Variants in DENND5A observed in about 807,000 individuals in gnomAD.
DENND5A encodes DENN domain-containing protein 5A.
Under a neutral mutation model 140.3 loss-of-function variants are expected in DENND5A, and 64 were observed. The ratio of observed to expected loss-of-function variants is 0.46; its 90% CI spans 0.37 to 0.56. The LOEUF is 0.56. DENND5A is among the 20% of genes least tolerant of loss of function. DENND5A has a pLI of 0.00. For synonymous variants in DENND5A, 605 were observed against 607.7 expected (o/e 1.00, Z 0.07); for missense variants, 1,292 against 1,593.8 (o/e 0.81, Z 3.22).
chr11:9,217,308 G>A (rs1211886049), intron 1 of DENND5A, among the ~76,000 whole-genome samples: 1 of 152,124 alleles, frequency 6.6e-6, no homozygotes, highest in Non-Finnish European at 1.5e-5. Context: ...GAGGTCAGGA[G>A]TTTGAGACCA....
intron 1 of DENND5A, among the ~76,000 whole-genome samples, chr11:9,230,009 A>G (rs1460038291): frequency 2.9e-5 from 4 of 136,964 alleles, no homozygotes; most frequent in Admixed American, 8.6e-5. Flanking sequence ...GGTTCACGCC[A>G]TTCTCCTGCC....
intron 4 of DENND5A, among the ~76,000 whole-genome samples, chr11:9,195,239 C>T (rs921298802): frequency 2.6e-5 from 4 of 151,788 alleles, no homozygotes; most frequent in African/African-American, 9.7e-5. Flanking sequence ...CGCCACCACC[C>T]GAGCTAATTT....
chr11:9,226,067 G>A (rs542909281), intron 1 of DENND5A, among the ~76,000 whole-genome samples: 1 of 151,678 alleles, frequency 6.6e-6, no homozygotes, highest in African/African-American at 2.4e-5. Context: ...GCAACAGAGT[G>A]AGACCCTGTC....
intron 1 of DENND5A, among the ~76,000 whole-genome samples, chr11:9,250,315 T>C (rs1851667183): frequency 1.3e-5 from 2 of 151,592 alleles, no homozygotes; most frequent in Non-Finnish European, 2.9e-5. Flanking sequence ...AGTAACTACC[T>C]AGTCTAAGAA....
chr11:9,246,349 A>G (rs1239281170), intron 1 of DENND5A, among the ~76,000 whole-genome samples: 1 of 152,142 alleles, frequency 6.6e-6, no homozygotes, highest in Admixed American at 6.6e-5. Context: ...GGGGTGGCTC[A>G]TGCCTGTAAT....
chr11:9,169,486 T>TACAC (rs1195918945), intron 10 of DENND5A, among the ~76,000 whole-genome samples: 1 of 114,350 alleles, frequency 8.7e-6, no homozygotes, highest in African/African-American at 3.6e-5. Flanking sequence ...TTTTTTCCTA[T>TACAC]ATACACACGC....
intron 1 of DENND5A, among the ~76,000 whole-genome samples, chr11:9,214,187 C>G (rs553934167): frequency 6.6e-6 from 1 of 152,268 alleles, no homozygotes; most frequent in African/African-American, 2.4e-5. Context: ...CATAGTACTG[C>G]TACCAACTCA....
chr11:9,219,771 C>CA (rs1413232416), intron 1 of DENND5A, among the ~76,000 whole-genome samples: 2 of 152,176 alleles, frequency 1.3e-5, no homozygotes, highest in Admixed American at 6.5e-5. Context: ...ATCTGTGAGC[C>CA]AAAAAATACT....
chr11:9,171,083 A>AG (rs1330668467), intron 8 of DENND5A: 1 of 317,334 alleles, frequency 3.2e-6, no homozygotes, highest in African/African-American at 2.1e-5. Flanking sequence ...TGGCACAGGG[A>AG]GGGGAGTTCT....
intron 1 of DENND5A, among the ~76,000 whole-genome samples, chr11:9,227,037 A>G (rs10770001): frequency 0.62 from 93,933 of 151,724 alleles, 29,682 homozygotes; most frequent in African/African-American, 0.72. Flanking sequence ...GCATGGTAGC[A>G]CATGCCTGTA....
At chr11:9,222,965 T>A (rs1037423882) in intron 1 of DENND5A, among the ~76,000 whole-genome samples, 1 of 152,232 alleles carries the variant, frequency 6.6e-6, no homozygotes, top group Non-Finnish European at 1.5e-5. Flanking sequence ...CTGTAACTGA[T>A]CATCCCTGCA....
intron 1 of DENND5A, among the ~76,000 whole-genome samples, chr11:9,218,618 G>A (rs1323027046): frequency 2.6e-5 from 4 of 152,130 alleles, no homozygotes; most frequent in African/African-American, 9.7e-5. Context: ...GCTGAGGTGG[G>A]AAGATCGCTA....
intron 1 of DENND5A, among the ~76,000 whole-genome samples, chr11:9,224,671 T>A (rs1368004635): frequency 1.3e-5 from 2 of 151,880 alleles, no homozygotes; most frequent in African/African-American, 2.4e-5. Flanking sequence ...CCAGCCTGAC[T>A]GACATGGTGA....
At chr11:9,182,233 T>C (rs1168909707) in intron 5 of DENND5A, among the ~76,000 whole-genome samples, 1 of 152,044 alleles carries the variant, frequency 6.6e-6, no homozygotes, top group Non-Finnish European at 1.5e-5. Context: ...GAACAATTGC[T>C]TGAACCCAGG....
chr11:9,194,752 C>T (rs950810787), intron 4 of DENND5A, among the ~76,000 whole-genome samples: 4 of 149,908 alleles, frequency 2.7e-5, no homozygotes, highest in African/African-American at 9.8e-5. Flanking sequence ...CGGGGTCTTG[C>T]TCTGTTGCCC....
intron 1 of DENND5A, among the ~76,000 whole-genome samples, chr11:9,227,347 T>C (rs1328380289): frequency 1.3e-5 from 2 of 152,154 alleles, no homozygotes; most frequent in Non-Finnish European, 2.9e-5. Context: ...CACTTTTCTA[T>C]TGAGTTCCAA....
At chr11:9,165,725 C>T (rs939506821) in intron 11 of DENND5A, 111 bp downstream of exon 11, 39 of 1,317,532 alleles carry the variant, frequency 3.0e-5, no homozygotes, top group African/African-American at 1.0e-4. Flanking sequence ...TGAGCCATCA[C>T]GCCCAGCCAA....
intron 7 of DENND5A, 22 bp from the exon 8 acceptor site, chr11:9,178,388 A>G: frequency 6.9e-7 from 1 of 1,456,630 alleles, no homozygotes; most frequent in Non-Finnish European, 9.6e-7. Context: ...AAAAAGAAGC[A>G]GTAATTGACA....
rs1847958261 is a variant in DENND5A, at chr11:9,160,850, C to T, written c.2299G>A (p.Val767Met). ...ACAGCTTCTCGGCCCATCTTTTCCA[C>T]CAGCATCCTCTTGGTCTACAAGGAA... ...ECRNKTKRML[V>M]EKMGREAVEL... The change falls in exon 12 of 23, where the codon GTG (valine) becomes ATG (methionine). Residue 767 changes from valine (V) to methionine (M), a missense_variant. Val to Met is a conservative substitution (Grantham distance 21, BLOSUM62 1). Around this residue, in one of 4 missense-constraint regions of DENND5A, gnomAD observed 498 missense variants for 689.7 expected, o/e 0.72. Coordinates refer to ENST00000328194, the MANE Select transcript of DENND5A (RefSeq NM_015213.4). 1 of 1,613,802 alleles carries T rather than the reference C, an allele frequency of 6.2e-7. No homozygotes were observed. Among genetic ancestry groups the T allele is most frequent in the Non-Finnish European group, 8.5e-7 (1 of 1,179,828 alleles).
Sources: allele counts gnomAD v4.1 joint callset (sites outside exome capture counted in the v4.1 genomes callset), GRCh38; gene constraint gnomAD v4.1.1; regional missense constraint gnomAD v4.1.1; transcripts MANE v1.5; gene names NCBI Gene and HGNC (gene_info 2026-07-23, HGNC 2026-07-21).